ADAMTS19: variants seen among roughly 807,000 people sequenced by gnomAD.
ADAMTS19 encodes A disintegrin and metalloproteinase with thrombospondin motifs 19.
ADAMTS19 carries 93 observed loss-of-function variants against 153.3 expected under a neutral mutation model. The observed-to-expected ratio is 0.61, with a 90% CI of 0.51 to 0.72. The LOEUF (loss-of-function observed/expected upper bound fraction) is 0.72, where lower values mean the gene tolerates loss of function less well. Ranked by LOEUF, ADAMTS19 falls within the 30% of genes least tolerant of loss-of-function variation. The probability of loss-of-function intolerance (pLI) is 0.00; values close to 1 mark genes in which losing one functional copy is unlikely to be tolerated. For synonymous variants in ADAMTS19, 600 were observed against 556.6 expected (o/e 1.08, Z -1.10); for missense variants, 1,482 against 1,552.1 (o/e 0.95, Z 0.76).
chr5:129,543,021 GT>G lies in ADAMTS19; in HGVS notation c.1329-8834del, dbSNP rs199524472. Reference sequence around the variant, plus strand: ...AATGGATTAACTAGTTTTTGTTGTTGTTTTTTTTTGTTGTTGTTGTTGTTTT... The same window carrying G: ...AATGGATTAACTAGTTTTTGTTGTTGTTTTTTTTGTTGTTGTTGTTGTTTT... On this transcript the variant is annotated intron_variant, in intron 6 of 22. Transcript: ENST00000274487. Among the ~76,000 whole-genome samples, 34 of 140,150 alleles carry G rather than the reference GT, an allele frequency of 2.4e-4. No individual in the cohort carries two copies. In the South Asian group the frequency reaches 4.7e-3, roughly 19 times the overall value. 91.9% of individuals were successfully genotyped at this position (140,150 alleles called of 152,430 possible).
intron 7 of ADAMTS19, among the ~76,000 whole-genome samples, chr5:129,588,981 A>T (rs1467782093): frequency 6.6e-6 from 1 of 151,518 alleles, no homozygotes; most frequent in Non-Finnish European, 1.5e-5. Context: ...TTCCCCTATT[A>T]TTTTGCTAGT....
intron 12 of ADAMTS19, 90 bp from the exon 13 acceptor site, chr5:129,648,708 T>C: frequency 4.0e-6 from 4 of 1,006,604 alleles, no homozygotes; most frequent in Non-Finnish European, 5.8e-6. Context: ...TATAAGGGGT[T>C]ATATATTATT....
Position 129,738,621 on chromosome 5 carries a change from A to G in ADAMTS19, c.*1403A>G, listed in dbSNP as rs1400609525. 6.6e-6 allele frequency: 1 copy of G among 152,062 alleles called. No homozygotes were observed. The highest frequency in any genetic ancestry group is 6.6e-5 in the Admixed American group (1 of 15,238). 9.4% of individuals were successfully genotyped at this position (152,062 alleles called of 1,614,324 possible). ...GAAATGGGGCTCAACGAGCCAGTAC[A>G]GGAAAAGCTGATTCCCTGGCTACTA... is the stretch of plus-strand genomic sequence containing the variant. On this transcript the variant is annotated 3_prime_UTR_variant, in exon 23 of 23. Coordinates refer to ENST00000274487, the MANE Select transcript of ADAMTS19 (RefSeq NM_133638.6).
intron 2 of ADAMTS19, among the ~76,000 whole-genome samples, chr5:129,481,305 T>A (rs1171211685): frequency 6.6e-6 from 1 of 152,056 alleles, no homozygotes; most frequent in East Asian, 1.9e-4. Context: ...AATTATCATA[T>A]CTTGTGAGAA....
chr5:129,519,031 G>A (rs747623911), intron 3 of ADAMTS19, among the ~76,000 whole-genome samples: 1 of 152,064 alleles, frequency 6.6e-6, no homozygotes, highest in East Asian at 1.9e-4. Context: ...CAGAATTCCT[G>A]CTTGAGTCTT....
chr5:129,598,345 T>C (rs1378372814), intron 8 of ADAMTS19, among the ~76,000 whole-genome samples: 1 of 152,018 alleles, frequency 6.6e-6, no homozygotes, highest in Non-Finnish European at 1.5e-5. Flanking sequence ...ATTCCTGGAG[T>C]CTGTACGCAC....
At chr5:129,656,674 C>G (rs1267500041) in intron 14 of ADAMTS19, among the ~76,000 whole-genome samples, 3 of 152,186 alleles carry the variant, frequency 2.0e-5, no homozygotes, top group Non-Finnish European at 2.9e-5. Context: ...TGTGTGCATA[C>G]TTAAAACTAC....
chr5:129,638,730 G>A (rs2127017248), intron 10 of ADAMTS19, among the ~76,000 whole-genome samples: 1 of 152,036 alleles, frequency 6.6e-6, no homozygotes, highest in Admixed American at 6.6e-5. Flanking sequence ...AGTAATGCAG[G>A]GAAAAGAAGG....
intron 7 of ADAMTS19, among the ~76,000 whole-genome samples, chr5:129,586,502 A>T (rs1749807254): frequency 6.6e-6 from 1 of 152,172 alleles, no homozygotes; most frequent in Non-Finnish European, 1.5e-5. Flanking sequence ...CCATGGCTTG[A>T]TAGCTCATTT....
At chr5:129,489,007 A>G (rs931420919) in intron 2 of ADAMTS19, among the ~76,000 whole-genome samples, 1 of 152,052 alleles carries the variant, frequency 6.6e-6, no homozygotes, top group East Asian at 1.9e-4. Flanking sequence ...ATAATTTGAA[A>G]TCTTCCATCT....
chr5:129,600,669 T>TCA (rs1489904835), intron 8 of ADAMTS19, among the ~76,000 whole-genome samples: 2 of 152,110 alleles, frequency 1.3e-5, no homozygotes, highest in African/African-American at 4.8e-5. Flanking sequence ...TCCTTACTAG[T>TCA]GCAAAGGAAT....
intron 3 of ADAMTS19, among the ~76,000 whole-genome samples, chr5:129,515,321 T>C (rs1221534986): frequency 1.3e-5 from 2 of 152,054 alleles, no homozygotes; most frequent in Non-Finnish European, 2.9e-5. Flanking sequence ...TTTTTTCTAA[T>C]TCTGTGAAGA....
chr5:129,570,186 A>G (rs1384152064), intron 7 of ADAMTS19, among the ~76,000 whole-genome samples: 5 of 151,966 alleles, frequency 3.3e-5, no homozygotes, highest in Admixed American at 6.6e-5. Flanking sequence ...TCTAGCAAGT[A>G]TGACAAAGAA....
intron 7 of ADAMTS19, among the ~76,000 whole-genome samples, chr5:129,574,955 CT>C (rs1332789091): frequency 6.6e-6 from 1 of 151,678 alleles, no homozygotes; most frequent in Non-Finnish European, 1.5e-5. Context: ...GTTTGAGTCA[CT>C]TGAATTTAAA....
intron 21 of ADAMTS19, among the ~76,000 whole-genome samples, chr5:129,713,135 T>G (rs369120145): frequency 6.6e-6 from 1 of 152,234 alleles, no homozygotes; most frequent in East Asian, 1.9e-4. Flanking sequence ...TTGATATTCC[T>G]TATAGAAGGA....
intron 18 of ADAMTS19, among the ~76,000 whole-genome samples, chr5:129,692,308 A>T (rs1029160215): frequency 6.6e-6 from 1 of 152,090 alleles, no homozygotes; most frequent in Non-Finnish European, 1.5e-5. Flanking sequence ...ATTTAGGTAA[A>T]TCTTACCTCG....
Position 129,658,725 on chromosome 5 carries a change from A to C in ADAMTS19, c.2413A>C (p.Thr805Pro), listed in dbSNP as rs1753699840. The C allele has an allele frequency of 6.2e-7, 1 of 1,608,622 alleles. No individual in the cohort carries two copies. The highest frequency in any genetic ancestry group is 1.3e-5 in the African/African-American group (1 of 74,770). The part of the protein sequence containing the change: ...CKIIKGDFNH[T>P]RGAGYVEVLV... Reference sequence around the variant, plus strand: ...GATCATTAAAGGGGATTTTAATCACACCAGAGGAGCAGGTAATTTTTCTTT... The same window carrying C: ...GATCATTAAAGGGGATTTTAATCACCCCAGAGGAGCAGGTAATTTTTCTTT... The change falls in exon 15 of 23, where the codon ACC (threonine) becomes CCC (proline). Residue 805 changes from threonine to proline, a missense_variant. Thr to Pro is a conservative substitution (Grantham distance 38). Transcript: ENST00000274487.
In ADAMTS19 at chr5:129,726,550, G is replaced by A. The variant is rs78046405; in HGVS notation, c.3313-8382G>A. ...AAAGAAGGGAGAAGGGAAGGAAGGG[G>A]AGAGAGAGAGCGCCATGGAATCTGA... On this transcript the variant is annotated intron_variant, in intron 21 of 22. Coordinates refer to ENST00000274487, the MANE Select transcript of ADAMTS19 (RefSeq NM_133638.6). Among the ~76,000 whole-genome samples, 26 of 152,134 alleles carry A rather than the reference G, an allele frequency of 1.7e-4. No individual in the cohort carries two copies. The East Asian group carries it at 4.8e-3, about 28-fold the overall frequency.
At chr5:129,590,247 A>C (rs150716416) in intron 7 of ADAMTS19, among the ~76,000 whole-genome samples, 2 of 152,090 alleles carry the variant, frequency 1.3e-5, no homozygotes, top group South Asian at 2.1e-4. Context: ...TCATGATTTT[A>C]TCTCTCCAGA....
Sources: allele counts gnomAD v4.1 joint callset (sites outside exome capture counted in the v4.1 genomes callset), GRCh38; gene constraint gnomAD v4.1.1; transcripts MANE v1.5; gene names NCBI Gene and HGNC (gene_info 2026-07-23, HGNC 2026-07-21).